PATJ: variants seen among roughly 807,000 people sequenced by gnomAD.
PATJ encodes inaD-like protein.
A neutral mutation model predicts 224.9 loss-of-function variants in PATJ; 190 were observed. The ratio of observed to expected loss-of-function variants is 0.84; its 90% CI spans 0.75 to 0.95. The LOEUF (loss-of-function observed/expected upper bound fraction) is 0.95, where lower values mean the gene tolerates loss of function less well. Ranked by LOEUF, PATJ falls within the 40% of genes least tolerant of loss-of-function variation. The probability of loss-of-function intolerance (pLI) is 0.00; values close to 1 mark genes in which losing one functional copy is unlikely to be tolerated. For missense variants in PATJ, 2,121 were observed against 2,270.3 expected (o/e 0.93, Z 1.34); for synonymous variants, 769 against 820.3 (o/e 0.94, Z 1.07).
chr1:62,126,112 A>C (rs932590462), intron 39 of PATJ, among the ~76,000 whole-genome samples: 3 of 152,150 alleles, frequency 2.0e-5, no homozygotes, highest in African/African-American at 4.8e-5. Context: ...TCTCACACAT[A>C]AGCAGCCTGA....
intron 29 of PATJ, among the ~76,000 whole-genome samples, chr1:62,034,317 C>A (rs1649918687): frequency 6.6e-6 from 1 of 151,966 alleles, no homozygotes; most frequent in African/African-American, 2.4e-5. Context: ...TTGGCACACG[C>A]CTGTAGTCCC....
intron 27 of PATJ, among the ~76,000 whole-genome samples, chr1:61,946,929 A>T (rs1678819729): frequency 6.6e-6 from 1 of 152,208 alleles, no homozygotes; most frequent in African/African-American, 2.4e-5. Flanking sequence ...AAACCAAAAA[A>T]AGTAATCCAT....
At chr1:61,889,717 C>T (rs1669329621) in intron 22 of PATJ, among the ~76,000 whole-genome samples, 1 of 152,156 alleles carries the variant, frequency 6.6e-6, no homozygotes, top group African/African-American at 2.4e-5. Flanking sequence ...ACATCCCAGG[C>T]TGGACAGCAA....
At chr1:61,843,107 G>T (rs953354160) in intron 17 of PATJ, among the ~76,000 whole-genome samples, 4 of 152,190 alleles carry the variant, frequency 2.6e-5, no homozygotes, top group African/African-American at 9.7e-5. Flanking sequence ...CCTCCTTCTG[G>T]TACCAAACAT....
intron 27 of PATJ, among the ~76,000 whole-genome samples, chr1:61,951,821 G>A (rs1254735935): frequency 6.6e-6 from 1 of 152,192 alleles, no homozygotes; most frequent in Non-Finnish European, 1.5e-5. Context: ...GAGCATTAAG[G>A]AGAGAGCAAG....
intron 11 of PATJ, among the ~76,000 whole-genome samples, chr1:61,799,544 T>C (rs1459858749): frequency 6.6e-6 from 1 of 152,142 alleles, no homozygotes; most frequent in Non-Finnish European, 1.5e-5. Context: ...TATATAAATG[T>C]TTTTTTAATT....
Position 61,787,911 on chromosome 1 carries a change from C to A in PATJ, c.1007C>A (p.Pro336His), listed in dbSNP as rs142273680. The part of the protein sequence containing the change: ...RDPAGDISVT[P>H]PAPAALPVAL... ...CCAGCTGGTGACATTTCAGTCACCC[C>A]CCCTGCCCCTGCAGCCTTACCTGTT... is the stretch of plus-strand genomic sequence containing the variant. The change falls in exon 8 of 44, where the codon CCC becomes CAC. Residue 336 changes from proline (P) to histidine (H), a missense_variant. Transcript: ENST00000642238. 5,004 of 1,613,994 alleles carry A rather than the reference C, an allele frequency of 3.1e-3. 18 individuals carry two copies. The highest frequency in any genetic ancestry group is 3.5e-3 in the Non-Finnish European group (4,082 of 1,180,010).
chr1:62,070,558 T>C (rs1387668575), intron 31 of PATJ, among the ~76,000 whole-genome samples: 2 of 152,192 alleles, frequency 1.3e-5, no homozygotes, highest in African/African-American at 4.8e-5. Context: ...AATATAATCT[T>C]GCAAATAAGT....
chr1:61,829,166 A>G lies in PATJ; in HGVS notation c.1980+1583A>G, dbSNP rs184936886. ...TATGTATTAATCTTGTTTATCCAAG[A>G]AGACTGTCAGCTCCTTGTGGGCAAA... On this transcript the variant is annotated intron_variant, in intron 16 of 43. Transcript: ENST00000642238. Among the ~76,000 whole-genome samples the G allele has an allele frequency of 3.3e-5, 5 of 152,360 alleles. No homozygotes were observed. In the East Asian group the frequency reaches 9.6e-4, roughly 29 times the overall value.
intron 26 of PATJ, among the ~76,000 whole-genome samples, chr1:61,923,535 T>C (rs906961901): frequency 6.6e-6 from 1 of 152,132 alleles, no homozygotes; most frequent in Non-Finnish European, 1.5e-5. Context: ...AAGCAAGACA[T>C]GTTCTCTAGA....
intron 27 of PATJ, among the ~76,000 whole-genome samples, chr1:61,968,654 C>T (rs1396153449): frequency 6.6e-6 from 1 of 152,012 alleles, no homozygotes; most frequent in Non-Finnish European, 1.5e-5. Context: ...TGGTGTGCTG[C>T]ACCCGTTAAC....
chr1:61,834,054 A>C (rs1659778910), intron 17 of PATJ, among the ~76,000 whole-genome samples: 4 of 152,198 alleles, frequency 2.6e-5, no homozygotes, highest in African/African-American at 9.6e-5. Context: ...ACTTGTTTAT[A>C]TGGAGGACTT....
At chr1:61,825,502 C>CGT (rs5774575) in intron 15 of PATJ, among the ~76,000 whole-genome samples, 16,690 of 150,350 alleles carry the variant, frequency 0.11, 1,125 homozygotes, top group East Asian at 0.23. Flanking sequence ...CTCAAAGTGT[C>CGT]GTGTGTGTGT....
intron 24 of PATJ, among the ~76,000 whole-genome samples, chr1:61,902,652 A>G (rs973455788): frequency 1.3e-5 from 2 of 152,192 alleles, no homozygotes; most frequent in African/African-American, 4.8e-5. Context: ...CAAATATACT[A>G]CTTATGGCAA....
chr1:61,828,353 ACTC>A (rs1215584647), intron 16 of PATJ, among the ~76,000 whole-genome samples: 1 of 151,278 alleles, frequency 6.6e-6, no homozygotes, highest in East Asian at 1.9e-4. Flanking sequence ...TGCTCTTGGT[ACTC>A]CTTATTTATT....
chr1:61,842,206 G>A (rs1035684679), intron 17 of PATJ, among the ~76,000 whole-genome samples: 1 of 152,172 alleles, frequency 6.6e-6, no homozygotes, highest in Non-Finnish European at 1.5e-5. Flanking sequence ...CAAAGAGGCT[G>A]TGTGTATATC....
chr1:61,936,846 A>G (rs1676960670), intron 27 of PATJ, among the ~76,000 whole-genome samples: 1 of 152,140 alleles, frequency 6.6e-6, no homozygotes, highest in Admixed American at 6.5e-5. Context: ...AAGTGATGGG[A>G]TTACAGGTAG....
chr1:61,968,714 ACCACC>A (rs1201206454), intron 27 of PATJ, among the ~76,000 whole-genome samples: 1 of 150,690 alleles, frequency 6.6e-6, no homozygotes, highest in Non-Finnish European at 1.5e-5. Flanking sequence ...CCCCGCTCCC[ACCACC>A]CCACGACAGG....
intron 3 of PATJ, among the ~76,000 whole-genome samples, chr1:61,765,331 T>A (rs1203982004): frequency 6.6e-6 from 1 of 151,470 alleles, no homozygotes; most frequent in African/African-American, 2.4e-5. Context: ...CCCACCTTGA[T>A]CTCCCAAAGT....
Sources: allele counts gnomAD v4.1 joint callset (sites outside exome capture counted in the v4.1 genomes callset), GRCh38; gene constraint gnomAD v4.1.1; transcripts MANE v1.5; gene names NCBI Gene and HGNC (gene_info 2026-07-23, HGNC 2026-07-21).